CNTN5: variants seen among roughly 807,000 people sequenced by gnomAD.
The protein encoded by CNTN5 is contactin-5.
In CNTN5, 77 loss-of-function variants were observed where a neutral mutation model predicts 129.1. The ratio of observed to expected loss-of-function variants is 0.60; its 90% confidence interval spans 0.50 to 0.72. CNTN5 has a LOEUF of 0.72. Among genes scored for constraint, CNTN5 ranks in the 30% least tolerant of loss-of-function variants. The pLI is 0.00. For missense variants in CNTN5, 1,478 were observed against 1,328.8 expected (o/e 1.11, Z -1.75); for synonymous variants, 509 against 465.6 (o/e 1.09, Z -1.20).
intron 3 of CNTN5, among the ~76,000 whole-genome samples, chr11:99,614,349 C>T (rs1950691126): frequency 1.3e-5 from 2 of 152,114 alleles, no homozygotes; most frequent in South Asian, 2.1e-4. Context: ...GAAAAATAAA[C>T]ATGGTTTTCT....
intron 4 of CNTN5, 114 bp from the exon 5 acceptor site, chr11:99,844,738 T>G: frequency 1.0e-6 from 1 of 956,272 alleles, no homozygotes; most frequent in African/African-American, 1.6e-5. Context: ...AATTTACCTG[T>G]TGATTACAAG....
At chr11:99,790,670 T>G (rs1451513469) in intron 3 of CNTN5, among the ~76,000 whole-genome samples, 1 of 152,070 alleles carries the variant, frequency 6.6e-6, no homozygotes, top group African/African-American at 2.4e-5. Context: ...TGATTTAGAT[T>G]CCCTGGAGTA....
At position 100,191,199 on chromosome 11, in the gene CNTN5, C is replaced by A. The variant is rs772226535; in HGVS notation, c.1654C>A (p.Arg552=). The part of the protein sequence containing the change: ...SKSDEGKYVC[R]GENVFGSAEI... ...ATCAGACGAGGGAAAGTACGTTTGC[C>A]GAGGGGAAAACGTCTTTGGTTCTGC... is the stretch of plus-strand genomic sequence containing the variant. Residue 552 remains arginine, a synonymous_variant, in exon 14 of 25, where the codon CGA becomes AGA. Transcript: ENST00000524871. The A allele has an allele frequency of 4.3e-6, 7 of 1,611,968 alleles. No individual in the cohort carries two copies. Among genetic ancestry groups the A allele is most frequent in the East Asian group, 2.2e-5 (1 of 44,766 alleles).
intron 2 of CNTN5, among the ~76,000 whole-genome samples, chr11:99,532,511 A>G (rs889648404): frequency 1.3e-5 from 2 of 152,140 alleles, no homozygotes; most frequent in Non-Finnish European, 2.9e-5. Flanking sequence ...CCAGGGCAGA[A>G]TGATATGGGT....
chr11:99,566,033 A>G (rs138898485), intron 3 of CNTN5, among the ~76,000 whole-genome samples: 5,744 of 152,260 alleles, frequency 0.038, 149 homozygotes, highest in South Asian at 0.085. Context: ...TAGCATGCTG[A>G]AAGAGTTTGG....
At chr11:99,522,005 TA>T (rs959488478) in intron 2 of CNTN5, among the ~76,000 whole-genome samples, 4 of 151,924 alleles carry the variant, frequency 2.6e-5, no homozygotes, top group East Asian at 1.9e-4. Context: ...GCTTGGGTAA[TA>T]AAAAAAATGA....
intron 2 of CNTN5, among the ~76,000 whole-genome samples, chr11:99,359,491 A>G (rs1330574266): frequency 6.6e-6 from 1 of 152,002 alleles, no homozygotes; most frequent in African/African-American, 2.4e-5. Context: ...TACAAAATGT[A>G]TGTTCTTCTT....
chr11:100,138,139 T>G (rs11222939), intron 13 of CNTN5, among the ~76,000 whole-genome samples: 14,371 of 151,310 alleles, frequency 0.095, 856 homozygotes, highest in Non-Finnish European at 0.13. Flanking sequence ...GAGAATAAAA[T>G]AAGGGAGATG....
At chr11:99,654,479 G>A (rs1420424764) in intron 3 of CNTN5, among the ~76,000 whole-genome samples, 3 of 152,024 alleles carry the variant, frequency 2.0e-5, no homozygotes, top group Admixed American at 6.6e-5. Flanking sequence ...CTGTGGAACA[G>A]GGGGTAGTAT....
intron 15 of CNTN5, among the ~76,000 whole-genome samples, chr11:100,194,199 T>C (rs1261538404): frequency 6.6e-6 from 1 of 151,928 alleles, no homozygotes; most frequent in Non-Finnish European, 1.5e-5. Flanking sequence ...TGTACCTACA[T>C]GGCAATCAAC....
At chr11:100,180,514 T>C (rs979106637) in intron 13 of CNTN5, among the ~76,000 whole-genome samples, 14 of 151,972 alleles carry the variant, frequency 9.2e-5, no homozygotes, top group Non-Finnish European at 2.1e-4. Flanking sequence ...AATGTAATAT[T>C]GTAAAAATTT....
At chr11:99,584,934 A>G (rs2515387) in intron 3 of CNTN5, among the ~76,000 whole-genome samples, 131,959 of 152,078 alleles carry the variant, frequency 0.87, 57,333 homozygotes, top group East Asian at 0.99. Flanking sequence ...ACAACTAACA[A>G]GATCTGTTGC....
chr11:99,045,048 C>T (rs1864152859), intron 1 of CNTN5, among the ~76,000 whole-genome samples: 1 of 152,096 alleles, frequency 6.6e-6, no homozygotes, highest in Non-Finnish European at 1.5e-5. Context: ...CCATGAAATA[C>T]CTGGCATATA....
intron 13 of CNTN5, among the ~76,000 whole-genome samples, chr11:100,173,735 G>A (rs993065339): frequency 2.6e-5 from 4 of 152,130 alleles, no homozygotes; most frequent in African/African-American, 4.8e-5. Context: ...TTACAAGAGC[G>A]AGCCTTTGGA....
At chr11:99,202,975 A>C (rs1859287128) in intron 1 of CNTN5, among the ~76,000 whole-genome samples, 1 of 151,936 alleles carries the variant, frequency 6.6e-6, no homozygotes, top group South Asian at 2.1e-4. Context: ...AAGAGAGAAA[A>C]GAATGAATGA....
At chr11:99,269,306 T>C (rs1195250464) in intron 1 of CNTN5, among the ~76,000 whole-genome samples, 1 of 151,912 alleles carries the variant, frequency 6.6e-6, no homozygotes, top group Non-Finnish European at 1.5e-5. Context: ...CTTTAGGTAA[T>C]AGTTTAATGA....
chr11:99,598,355 T>C (rs371277362), intron 3 of CNTN5, among the ~76,000 whole-genome samples: 22,135 of 51,224 alleles, frequency 0.43, 7,056 homozygotes, highest in Middle Eastern at 0.59. Flanking sequence ...TCTCTCTCTC[T>C]CTCTCTCTCT....
At chr11:99,312,930 A>G (rs941076888) in intron 1 of CNTN5, among the ~76,000 whole-genome samples, 4 of 151,952 alleles carry the variant, frequency 2.6e-5, no homozygotes, top group Admixed American at 1.3e-4. Flanking sequence ...TAATGAAGGT[A>G]CTCATTCTAT....
chr11:100,078,381 T>C (rs1944229527), intron 13 of CNTN5, among the ~76,000 whole-genome samples: 1 of 152,130 alleles, frequency 6.6e-6, no homozygotes. Context: ...CCCTAAATGA[T>C]ACAACTAAAA....
Sources: allele counts gnomAD v4.1 joint callset (sites outside exome capture counted in the v4.1 genomes callset), GRCh38; gene constraint gnomAD v4.1.1; transcripts MANE v1.5; gene names NCBI Gene and HGNC (gene_info 2026-07-23, HGNC 2026-07-21).